The following HIVEP2 variants were observed in gnomAD, a reference collection of about 807,000 sequenced individuals.
HIVEP2 encodes the protein HIVEP zinc finger 2.
HIVEP2 carries 14 observed loss-of-function variants against 180.7 expected under a neutral mutation model. The observed-to-expected ratio is 0.08, with a 90% CI of 0.05 to 0.12. The LOEUF is 0.12. Ranked by LOEUF, HIVEP2 falls within the 10% of genes least tolerant of loss-of-function variation. The pLI is 1.00. For synonymous variants in HIVEP2, 1,184 were observed against 1,136.4 expected (o/e 1.04, Z -0.84); for missense variants, 2,579 against 3,008.5 (o/e 0.86, Z 3.34).
chr6:142,925,842 G>C lies in HIVEP2; in HGVS notation c.-641+19257C>G, dbSNP rs142481551. Among the ~76,000 whole-genome samples, 8 of 152,286 alleles carry C rather than the reference G, an allele frequency of 5.3e-5. No individual in the cohort carries two copies. The East Asian group carries it at 1.3e-3, about 26-fold the overall frequency. On this transcript the variant is annotated intron_variant, in intron 1 of 9. Coordinates refer to ENST00000367603, the MANE Select transcript of HIVEP2 (RefSeq NM_006734.4). Reference sequence around the variant, plus strand: ...AACTACTAAATAATATTTTCATTTAGTAAGTCCTTTCTCTGTCAACTCTTT... The same window carrying C: ...AACTACTAAATAATATTTTCATTTACTAAGTCCTTTCTCTGTCAACTCTTT...
chr6:142,848,368 A>T (rs1161102687), intron 1 of HIVEP2, among the ~76,000 whole-genome samples: 1 of 152,176 alleles, frequency 6.6e-6, no homozygotes, highest in Non-Finnish European at 1.5e-5. Context: ...ACACAGCTGT[A>T]TTTGGAAGTG....
chr6:142,759,117 C>T (rs1775153389), intron 9 of HIVEP2, among the ~76,000 whole-genome samples: 2 of 151,996 alleles, frequency 1.3e-5, no homozygotes, highest in Admixed American at 6.6e-5. Flanking sequence ...GCCTGGCCAA[C>T]ATGGTGAAAC....
At chr6:142,920,631 T>C (rs922189918) in intron 1 of HIVEP2, among the ~76,000 whole-genome samples, 2 of 152,190 alleles carry the variant, frequency 1.3e-5, no homozygotes, top group African/African-American at 4.8e-5. Flanking sequence ...ATGAGGTACC[T>C]ACCACCAACA....
chr6:142,784,645 T>G (rs1775939065), intron 2 of HIVEP2, among the ~76,000 whole-genome samples: 1 of 152,192 alleles, frequency 6.6e-6, no homozygotes, highest in Non-Finnish European at 1.5e-5. Context: ...CACATAAGAT[T>G]CTGGTGCTGC....
Position 142,771,119 on chromosome 6 carries a change from T to C in HIVEP2, c.3620A>G (p.Gln1207Arg). 1 of 1,614,240 alleles carries C rather than the reference T, an allele frequency of 6.2e-7. No homozygotes were observed. The highest frequency in any genetic ancestry group is 8.5e-7 in the Non-Finnish European group (1 of 1,180,046). ...PFSPIQNALF[Q>R]FQYPTVCMVH... ...CATACAAACTGTAGGATACTGAAAC[T>C]GAAACAAGGCATTCTGGATTGGAGA... The change falls in exon 5 of 10, where the codon CAG becomes CGG. Residue 1207 changes from glutamine to arginine, a missense_variant. Coordinates refer to ENST00000367603, the MANE Select transcript of HIVEP2 (RefSeq NM_006734.4). The surrounding 1 kb of genome is among the most constrained non-coding windows in gnomAD (Gnocchi z 5.4).
At chr6:142,767,087 T>C (rs986804040) in intron 6 of HIVEP2, among the ~76,000 whole-genome samples, 6 of 152,184 alleles carry the variant, frequency 3.9e-5, no homozygotes, top group African/African-American at 1.4e-4. Context: ...AATGTTCACA[T>C]ACGCTTTTTC....
At chr6:142,866,593 G>A (rs879795437) in intron 1 of HIVEP2, among the ~76,000 whole-genome samples, 16 of 152,110 alleles carry the variant, frequency 1.1e-4, no homozygotes, top group Non-Finnish European at 2.4e-4. Flanking sequence ...TCTATACCAT[G>A]AGCATTTAGT....
At chr6:142,825,235 T>C (rs1270067967) in intron 2 of HIVEP2, among the ~76,000 whole-genome samples, 1 of 152,078 alleles carries the variant, frequency 6.6e-6, no homozygotes, top group Non-Finnish European at 1.5e-5. Context: ...TTTTCATGTT[T>C]TAAATAGAGA....
intron 2 of HIVEP2, among the ~76,000 whole-genome samples, chr6:142,818,492 C>A (rs1017635188): frequency 5.3e-5 from 8 of 151,598 alleles, no homozygotes; most frequent in Admixed American, 3.3e-4. Flanking sequence ...GCCTGGGCAA[C>A]ATTATGAAGC....
At chr6:142,809,507 C>T (rs563100032) in intron 2 of HIVEP2, among the ~76,000 whole-genome samples, 4 of 152,314 alleles carry the variant, frequency 2.6e-5, no homozygotes, top group Admixed American at 2.0e-4. Flanking sequence ...GTATTTGGCA[C>T]ACACTTGGCT....
At chr6:142,869,315 T>C (rs1330837941) in intron 1 of HIVEP2, among the ~76,000 whole-genome samples, 1 of 152,032 alleles carries the variant, frequency 6.6e-6, no homozygotes, top group Non-Finnish European at 1.5e-5. Context: ...GAAGTGCATG[T>C]AGCCAAAAAA....
Position 142,753,149 on chromosome 6 carries a change from C to T in HIVEP2, c.7299G>A (p.Glu2433=), listed in dbSNP as rs893177967. 4 of 1,612,654 alleles carry T rather than the reference C, an allele frequency of 2.5e-6. No homozygotes were observed. In the Admixed American group the frequency reaches 6.7e-5, roughly 27 times the overall value. ...TTTCTGATGAAGGATCTTTGCTTTC[C>T]TCTGTGCTTGAAGATAATTCCTTGC... ...HSSKELSSST[E]ESKDPSSEKS... The change falls in exon 10 of 10, where the codon GAG becomes GAA. Residue 2433 remains glutamate (E), a synonymous_variant. Transcript: ENST00000367603.
chr6:142,918,912 T>C (rs1206128066), intron 1 of HIVEP2, among the ~76,000 whole-genome samples: 2 of 152,232 alleles, frequency 1.3e-5, no homozygotes, highest in Admixed American at 6.5e-5. Flanking sequence ...TTAACACCTG[T>C]AGTTAACACA....
chr6:142,808,440 A>C (rs1046165560), intron 2 of HIVEP2, among the ~76,000 whole-genome samples: 3 of 140,928 alleles, frequency 2.1e-5, no homozygotes, highest in African/African-American at 8.1e-5. Flanking sequence ...AGGGAGGGAG[A>C]GATGAAGAAA....
chr6:142,859,273 G>C (rs577948384), intron 1 of HIVEP2, among the ~76,000 whole-genome samples: 15 of 152,130 alleles, frequency 9.9e-5, no homozygotes, highest in Middle Eastern at 3.4e-3. Context: ...TTCGAGACCA[G>C]CCTGGGCAAC....
At chr6:142,812,854 A>T (rs1172568640) in intron 2 of HIVEP2, among the ~76,000 whole-genome samples, 1 of 152,220 alleles carries the variant, frequency 6.6e-6, no homozygotes, top group African/African-American at 2.4e-5. Flanking sequence ...CAGATTAGAC[A>T]TTAAGGCAGA....
At chr6:142,874,073 A>G (rs1776365608) in intron 1 of HIVEP2, among the ~76,000 whole-genome samples, 1 of 152,198 alleles carries the variant, frequency 6.6e-6, no homozygotes, top group Admixed American at 6.5e-5. Context: ...GATAAGCAGG[A>G]AGAGGATATT....
At chr6:142,810,440 C>A (rs1776662650) in intron 2 of HIVEP2, among the ~76,000 whole-genome samples, 1 of 151,962 alleles carries the variant, frequency 6.6e-6, no homozygotes, top group African/African-American at 2.4e-5. Flanking sequence ...TAATGGAATA[C>A]ATAGATGTCT....
chr6:142,797,774 T>C (rs1776312447), intron 2 of HIVEP2, among the ~76,000 whole-genome samples: 1 of 152,128 alleles, frequency 6.6e-6, no homozygotes, highest in South Asian at 2.1e-4. Context: ...GTGTCTAAGT[T>C]ATAAATTAAA....
Sources: allele counts gnomAD v4.1 joint callset (sites outside exome capture counted in the v4.1 genomes callset), GRCh38; gene constraint gnomAD v4.1.1; non-coding constraint Gnocchi (gnomAD v3.1); transcripts MANE v1.5; gene names NCBI Gene and HGNC (gene_info 2026-07-23, HGNC 2026-07-21).